The following XPR1 variants were observed in gnomAD, a reference collection of about 807,000 sequenced individuals.
The protein encoded by XPR1 is xenotropic and polytropic retrovirus receptor 1, also known as solute carrier family 53 member 1.
A neutral mutation model predicts 87.5 loss-of-function variants in XPR1; 28 were observed. The observed-to-expected ratio is 0.32, with a 90% confidence interval of 0.24 to 0.44. The LOEUF (loss-of-function observed/expected upper bound fraction) is 0.44, where lower values mean the gene tolerates loss of function less well. XPR1 is among the 20% of genes least tolerant of loss of function. The pLI, the probability that XPR1 is intolerant of heterozygous loss-of-function variation, is 1.00. For missense variants in XPR1, 559 were observed against 862.3 expected (o/e 0.65, Z 4.41); for synonymous variants, 300 against 306.1 (o/e 0.98, Z 0.21).
At chr1:180,760,452 C>T (rs1022728534) in intron 2 of XPR1, among the ~76,000 whole-genome samples, 1 of 152,186 alleles carries the variant, frequency 6.6e-6, no homozygotes, top group Admixed American at 6.5e-5. Flanking sequence ...AAATCACAAG[C>T]ATTGTTATAC....
intron 2 of XPR1, among the ~76,000 whole-genome samples, chr1:180,739,522 A>C (rs943402627): frequency 4.6e-5 from 7 of 152,186 alleles, no homozygotes; most frequent in African/African-American, 1.4e-4. Flanking sequence ...TTTAGGGAGA[A>C]TTGACATCTT....
At chr1:180,767,849 C>CT (rs869095414) in intron 2 of XPR1, among the ~76,000 whole-genome samples, 182 of 145,110 alleles carry the variant, frequency 1.3e-3, no homozygotes, top group African/African-American at 1.9e-3. Context: ...TCACAAGAAA[C>CT]TTTTTTTTTT....
intron 2 of XPR1, among the ~76,000 whole-genome samples, chr1:180,715,101 G>T (rs1359980754): frequency 6.6e-6 from 1 of 152,174 alleles, no homozygotes; most frequent in Non-Finnish European, 1.5e-5. Context: ...TTAAATGTAG[G>T]CAGTAGCATC....
At chr1:180,686,352 C>T (rs565904834) in intron 2 of XPR1, among the ~76,000 whole-genome samples, 6 of 152,186 alleles carry the variant, frequency 3.9e-5, no homozygotes, top group African/African-American at 1.2e-4. Flanking sequence ...GTCTGAGAGA[C>T]AGTTTGTTAT....
chr1:180,854,628 A>G (rs373734152), intron 11 of XPR1, among the ~76,000 whole-genome samples: 4 of 152,322 alleles, frequency 2.6e-5, no homozygotes, highest in East Asian at 1.9e-4. Flanking sequence ...CAAAAGCACG[A>G]TAAGGGAGGG....
intron 2 of XPR1, among the ~76,000 whole-genome samples, chr1:180,745,259 T>C (rs562028314): frequency 1.1e-3 from 172 of 152,304 alleles, no homozygotes; most frequent in Non-Finnish European, 2.1e-3. Flanking sequence ...GCTTTATTTA[T>C]TCTGCTCTGC....
At chr1:180,810,643 T>A (rs945877547) in intron 6 of XPR1, among the ~76,000 whole-genome samples, 1 of 152,044 alleles carries the variant, frequency 6.6e-6, no homozygotes, top group African/African-American at 2.4e-5. Context: ...AGCGTTCTTG[T>A]CTCCGTCATC....
intron 2 of XPR1, among the ~76,000 whole-genome samples, chr1:180,786,633 A>G (rs550040148): frequency 2.0e-5 from 3 of 152,198 alleles, no homozygotes; most frequent in South Asian, 4.1e-4. Flanking sequence ...GAACTGAGAA[A>G]GTGGATCCAG....
chr1:180,741,127 G>GT (rs35614018), intron 2 of XPR1, among the ~76,000 whole-genome samples: 111,961 of 151,988 alleles, frequency 0.74, 41,701 homozygotes, highest in African/African-American at 0.8. Context: ...TTTGTTAAAT[G>GT]TTGGTTGATC....
intron 2 of XPR1, among the ~76,000 whole-genome samples, chr1:180,775,654 A>G (rs1427636054): frequency 6.6e-6 from 1 of 152,196 alleles, no homozygotes; most frequent in Admixed American, 6.5e-5. Flanking sequence ...ACTTTAAATA[A>G]TGGTATACTT....
chr1:180,804,487 G>GA (rs1649918756), intron 4 of XPR1, among the ~76,000 whole-genome samples: 1 of 152,082 alleles, frequency 6.6e-6, no homozygotes, highest in South Asian at 2.1e-4. Context: ...AATCTTTAGA[G>GA]AGACCTTATG....
At chr1:180,728,302 G>C (rs868668179) in intron 2 of XPR1, among the ~76,000 whole-genome samples, 9 of 146,166 alleles carry the variant, frequency 6.2e-5, no homozygotes, top group South Asian at 2.3e-4. Context: ...ATAACTGGGG[G>C]GGGGGGTAGT....
intron 2 of XPR1, among the ~76,000 whole-genome samples, chr1:180,696,254 A>G (rs1657173716): frequency 6.9e-6 from 1 of 144,828 alleles, no homozygotes; most frequent in Admixed American, 7.1e-5. Flanking sequence ...TGTAAATGAG[A>G]TTGCTTTCTT....
chr1:180,789,340 C>T (rs1649294144), intron 3 of XPR1, among the ~76,000 whole-genome samples: 1 of 152,178 alleles, frequency 6.6e-6, no homozygotes, highest in African/African-American at 2.4e-5. Flanking sequence ...CAGTCATTTT[C>T]AGTTACACTG....
chr1:180,794,704 T>C (rs1304200522), intron 3 of XPR1, among the ~76,000 whole-genome samples: 1 of 152,116 alleles, frequency 6.6e-6, no homozygotes, highest in Admixed American at 6.6e-5. Flanking sequence ...AGGGAGGTTG[T>C]TTGGGGATGG....
intron 1 of XPR1, among the ~76,000 whole-genome samples, chr1:180,674,337 CA>C (rs1656291957): frequency 6.6e-6 from 1 of 152,206 alleles, no homozygotes; most frequent in Non-Finnish European, 1.5e-5. Context: ...CGGCTCACCA[CA>C]ACTGCCGCCT....
At chr1:180,847,609 T>A (rs1651727576) in intron 11 of XPR1, among the ~76,000 whole-genome samples, 1 of 152,182 alleles carries the variant, frequency 6.6e-6, no homozygotes, top group Admixed American at 6.5e-5. Context: ...TGGTGTTAAT[T>A]GGTATTGATA....
chr1:180,866,082 C>T (rs1169928335), intron 12 of XPR1, among the ~76,000 whole-genome samples: 3 of 152,056 alleles, frequency 2.0e-5, no homozygotes, highest in Non-Finnish European at 4.4e-5. Flanking sequence ...TATGGTGGCA[C>T]ACGCCTGTAG....
At chr1:180,791,071 C>T (rs1649360465) in intron 3 of XPR1, among the ~76,000 whole-genome samples, 1 of 151,976 alleles carries the variant, frequency 6.6e-6, no homozygotes, top group African/African-American at 2.4e-5. Context: ...ATTGAGAAAG[C>T]GTATTGGAAA....
Sources: allele counts gnomAD v4.1 joint callset (sites outside exome capture counted in the v4.1 genomes callset), GRCh38; gene constraint gnomAD v4.1.1; transcripts MANE v1.5; gene names NCBI Gene and HGNC (gene_info 2026-07-23, HGNC 2026-07-21).